The following MCTP1 variants were observed in gnomAD, a reference collection of about 807,000 sequenced individuals.
MCTP1 encodes the protein multiple C2 and transmembrane domain-containing protein 1.
Under a neutral mutation model 120.6 loss-of-function variants are expected in MCTP1, and 69 were observed. That is an observed-to-expected ratio of 0.57 (90% CI 0.47 to 0.70). The LOEUF (loss-of-function observed/expected upper bound fraction) is 0.70, where lower values mean the gene tolerates loss of function less well. Ranked by LOEUF, MCTP1 falls within the 30% of genes least tolerant of loss-of-function variation. The probability of loss-of-function intolerance (pLI) is 0.00; values close to 1 mark genes in which losing one functional copy is unlikely to be tolerated. For missense variants in MCTP1, 1,203 were observed against 1,248.8 expected, an observed-to-expected ratio of 0.96 and a Z score of 0.55; for synonymous variants, 529 against 493.1, an observed-to-expected ratio of 1.07 and a Z score of -0.96.
At chr5:95,102,775 G>A (rs1488282005) in intron 1 of MCTP1, among the ~76,000 whole-genome samples, 1 of 152,186 alleles carries the variant, frequency 6.6e-6, no homozygotes, top group Non-Finnish European at 1.5e-5. Flanking sequence ...CCTTAAGGAG[G>A]TGATACATTA....
At chr5:95,143,005 A>G (rs1312968909) in intron 1 of MCTP1, among the ~76,000 whole-genome samples, 1 of 152,152 alleles carries the variant, frequency 6.6e-6, no homozygotes, top group Non-Finnish European at 1.5e-5. Context: ...ATAACAAGAA[A>G]ATTAAAATTC....
intron 19 of MCTP1, among the ~76,000 whole-genome samples, chr5:94,729,732 A>G (rs1292077704): frequency 6.6e-6 from 1 of 152,210 alleles, no homozygotes; most frequent in East Asian, 1.9e-4. Flanking sequence ...GAGGAAACAA[A>G]GGATGCCTGA....
At chr5:95,208,143 G>A (rs1297040607) in intron 1 of MCTP1, among the ~76,000 whole-genome samples, 1 of 152,162 alleles carries the variant, frequency 6.6e-6, no homozygotes, top group Non-Finnish European at 1.5e-5. Flanking sequence ...AGGCTGGAGT[G>A]CAATGGCATG....
intron 1 of MCTP1, among the ~76,000 whole-genome samples, chr5:95,124,269 G>A (rs999436482): frequency 2.0e-5 from 3 of 152,222 alleles, no homozygotes; most frequent in African/African-American, 7.2e-5. Context: ...ACTTTGGAAC[G>A]TTTTCAGATT....
intron 2 of MCTP1, among the ~76,000 whole-genome samples, chr5:94,966,571 G>GAATC (rs1378942588): frequency 6.6e-6 from 1 of 152,086 alleles, no homozygotes; most frequent in Non-Finnish European, 1.5e-5. Context: ...CGAGGCAGGG[G>GAATC]AATCACAAGG....
chr5:94,807,429 T>G (rs2153051621), intron 17 of MCTP1, among the ~76,000 whole-genome samples: 1 of 152,324 alleles, frequency 6.6e-6, no homozygotes, highest in East Asian at 1.9e-4. Context: ...AATATATTGC[T>G]TTTCATTTTG....
At chr5:95,206,982 C>G (rs1021237451) in intron 1 of MCTP1, among the ~76,000 whole-genome samples, 3 of 152,126 alleles carry the variant, frequency 2.0e-5, no homozygotes, top group African/African-American at 7.2e-5. Flanking sequence ...TATATTTATA[C>G]CCACTGACAT....
chr5:94,873,425 C>T (rs970789649), intron 12 of MCTP1, among the ~76,000 whole-genome samples, 184 bp from the exon 13 acceptor site: 4 of 151,862 alleles, frequency 2.6e-5, no homozygotes, highest in African/African-American at 9.7e-5. Flanking sequence ...TTGATGTTAG[C>T]AATTGTTATG....
At chr5:95,099,294 C>A (rs1287813347) in intron 1 of MCTP1, among the ~76,000 whole-genome samples, 1 of 152,012 alleles carries the variant, frequency 6.6e-6, no homozygotes, top group African/African-American at 2.4e-5. Flanking sequence ...AACTAAAGAG[C>A]TTCTGCACAG....
At chr5:95,008,219 C>T (rs1322104631) in intron 2 of MCTP1, among the ~76,000 whole-genome samples, 3 of 152,078 alleles carry the variant, frequency 2.0e-5, no homozygotes, top group Non-Finnish European at 4.4e-5. Flanking sequence ...ATGACAATGA[C>T]CAGAAGAAGC....
chr5:95,015,458 C>A (rs1267862792), intron 2 of MCTP1, among the ~76,000 whole-genome samples: 1 of 152,016 alleles, frequency 6.6e-6, no homozygotes, highest in African/African-American at 2.4e-5. Flanking sequence ...CTCTTCATCC[C>A]TTTTACCCCA....
At position 95,078,975 on chromosome 5, in the gene MCTP1, T is replaced by G. The variant is rs949509396; in HGVS notation, c.721-61491A>C. 4.6e-5 allele frequency among the ~76,000 whole-genome samples: 7 copies of G among 152,294 alleles called. No homozygotes were observed. In the South Asian group the frequency reaches 1.0e-3, roughly 23 times the overall value. On this transcript the variant is annotated intron_variant, in intron 1 of 22. Transcript: ENST00000515393. ...GAGAGAAATCCCTGTAGAGTGAGAT[T>G]TGGAACTTGATTTGTTATATTTCAG...
rs369408591 is a variant in MCTP1, at chr5:95,257,796, T to TACACAC, written c.720+26054_720+26059dup. On this transcript the variant is annotated intron_variant, in intron 1 of 22. Transcript: ENST00000515393. ...AAGGAAGGAAGTGCTCCAGAAAACATACACACACACACACACACACACACA... is the reference window on the plus strand; with the variant it reads ...AAGGAAGGAAGTGCTCCAGAAAACATACACACACACACACACACACACACACACACA... 1.3e-3 allele frequency among the ~76,000 whole-genome samples: 157 copies of TACACAC among 125,420 alleles called. 1 individual carries two copies. Among genetic ancestry groups the TACACAC allele is most frequent in the African/African-American group, 3.8e-3 (121 of 31,478 alleles). 82.3% of individuals were successfully genotyped at this position (125,420 alleles called of 152,430 possible). A position where few individuals can be genotyped will look rare whatever the true frequency, so the allele number is the denominator to read the frequency against.
At chr5:94,926,463 C>A (rs1813152756) in intron 6 of MCTP1, among the ~76,000 whole-genome samples, 2 of 152,090 alleles carry the variant, frequency 1.3e-5, no homozygotes, top group Non-Finnish European at 2.9e-5. Context: ...AAAACAATGG[C>A]TCTTGGATGC....
intron 6 of MCTP1, chr5:94,929,768 G>T (rs1814082018): frequency 1.4e-6 from 1 of 699,660 alleles, no homozygotes; most frequent in Non-Finnish European, 1.8e-6. Flanking sequence ...TTAACATTGC[G>T]CTCTTGTAAC....
intron 1 of MCTP1, among the ~76,000 whole-genome samples, chr5:95,112,830 GA>G (rs1562152778): frequency 2.0e-5 from 3 of 152,064 alleles, no homozygotes. Context: ...ATATATTATG[GA>G]AATGTAACAC....
chr5:95,214,931 A>G (rs1043978293), intron 1 of MCTP1, among the ~76,000 whole-genome samples: 2 of 151,786 alleles, frequency 1.3e-5, no homozygotes, highest in African/African-American at 2.4e-5. Flanking sequence ...GAGTTAATGG[A>G]TGCAGCACAC....
chr5:94,744,766 C>T (rs906529416), intron 19 of MCTP1, among the ~76,000 whole-genome samples: 1 of 152,118 alleles, frequency 6.6e-6, no homozygotes, highest in African/African-American at 2.4e-5. Flanking sequence ...CCGTCTCGGC[C>T]TCCAACGTGC....
chr5:94,779,136 C>G lies in MCTP1; in HGVS notation c.2584G>C (p.Glu862Gln), dbSNP rs1193340801. 1.2e-5 allele frequency: 20 copies of G among 1,613,694 alleles called. No individual in the cohort carries two copies. The highest frequency in any genetic ancestry group is 1.7e-5 in the Non-Finnish European group (20 of 1,179,688). ...TTGTCATCTTTGTCATCTTCTTCTTCCTCGTCCTCTAGCATGTCCTCCACT... is the reference window on the plus strand; with the variant it reads ...TTGTCATCTTTGTCATCTTCTTCTTGCTCGTCCTCTAGCATGTCCTCCACT... ...TVVEDMLEDE[E>Q]EEDDKDDKDS... Residue 862 changes from glutamate (E) to glutamine (Q), a missense_variant, in exon 19 of 23, where the codon GAA becomes CAA. By Grantham distance (29) the Glu-to-Gln change is conservative. Coordinates refer to ENST00000515393, the MANE Select transcript of MCTP1 (RefSeq NM_024717.7).
Sources: allele counts gnomAD v4.1 joint callset (sites outside exome capture counted in the v4.1 genomes callset), GRCh38; gene constraint gnomAD v4.1.1; transcripts MANE v1.5; gene names NCBI Gene and HGNC (gene_info 2026-07-23, HGNC 2026-07-21).